The following ALG14 variants were observed in gnomAD, a reference collection of about 807,000 sequenced individuals.
ALG14 encodes the protein ALG14 UDP-N-acetylglucosaminyltransferase subunit.
In ALG14, 17 loss-of-function variants were observed where a neutral mutation model predicts 22.8. The observed-to-expected ratio is 0.75, with a 90% CI of 0.51 to 1.12. The LOEUF is 1.12. Among genes scored for constraint, ALG14 ranks in the 50% most tolerant of loss-of-function variants. The pLI is 0.00. For missense variants in ALG14, 288 were observed against 271.8 expected (o/e 1.06, Z -0.42); for synonymous variants, 89 against 103.7 (o/e 0.86, Z 0.86).
intron 2 of ALG14, among the ~76,000 whole-genome samples, chr1:95,057,779 GAATT>G (rs1459612131): frequency 2.0e-5 from 3 of 151,640 alleles, no homozygotes; most frequent in Admixed American, 1.3e-4. Context: ...ATTCAAGAAA[GAATT>G]AATAAGAAAA....
chr1:95,065,360 T>C (rs1431735436), intron 1 of ALG14, among the ~76,000 whole-genome samples: 2 of 151,896 alleles, frequency 1.3e-5, no homozygotes, highest in Non-Finnish European at 1.5e-5. Context: ...TGCAAGACAG[T>C]AAGAAAAACT....
chr1:94,998,458 T>C (rs998324023), intron 3 of ALG14, among the ~76,000 whole-genome samples: 1 of 152,248 alleles, frequency 6.6e-6, no homozygotes, highest in Non-Finnish European at 1.5e-5. Context: ...AGAGGGACAC[T>C]AACTTTAAAT....
At chr1:95,004,798 C>G (rs1260646445) in intron 3 of ALG14, among the ~76,000 whole-genome samples, 2 of 145,748 alleles carry the variant, frequency 1.4e-5, no homozygotes, top group Non-Finnish European at 3.0e-5. Flanking sequence ...CCTGCCCCCG[C>G]CCCCGCCTTT....
chr1:95,029,000 C>T (rs970502771), intron 2 of ALG14, among the ~76,000 whole-genome samples: 1 of 152,144 alleles, frequency 6.6e-6, no homozygotes, highest in Non-Finnish European at 1.5e-5. Flanking sequence ...ATATTGGTTA[C>T]CTATTTCTGT....
chr1:95,067,455 A>G (rs1351792396), intron 1 of ALG14: 1 of 152,202 alleles, frequency 6.6e-6, no homozygotes, highest in African/African-American at 2.4e-5. Context: ...GAATACACTT[A>G]TTATCTTTGG....
chr1:95,027,041 T>C (rs191259295), intron 3 of ALG14, 88 bp downstream of exon 3: 181 of 1,485,430 alleles, frequency 1.2e-4, no homozygotes, highest in Admixed American at 8.2e-4. Flanking sequence ...TAATAAATGG[T>C]AGCTGTTTAA....
rs1316639270 is a variant in ALG14 at position 94,976,049 on chromosome 1, A to G, written c.*7027T>C. On this transcript the variant is annotated 3_prime_UTR_variant, in exon 4 of 4. Coordinates refer to ENST00000370205, the MANE Select transcript of ALG14 (RefSeq NM_144988.4). The stretch of plus-strand genomic sequence containing the variant: ...AAAAAAAAAAAAAAAAAGAAAGAAG[A>G]GCCTCCTTAACACACCAGGGGAGCT... The G allele has an allele frequency of 2.0e-5, 3 of 148,776 alleles. No homozygotes were observed. The highest frequency in any genetic ancestry group is 7.4e-5 in the African/African-American group (3 of 40,422). The allele number at this position is 148,776 out of a possible 1,614,324, so 9.2% of individuals were successfully genotyped here.
At chr1:94,996,751 G>A (rs1284425737) in intron 3 of ALG14, among the ~76,000 whole-genome samples, 7 of 151,906 alleles carry the variant, frequency 4.6e-5, no homozygotes, top group Admixed American at 3.3e-4. Flanking sequence ...GCACAATCTC[G>A]GCTCACTGCA....
intron 2 of ALG14, among the ~76,000 whole-genome samples, chr1:95,049,789 T>G (rs910933106): frequency 6.6e-6 from 1 of 151,978 alleles, no homozygotes. Context: ...GAGGATCACT[T>G]GAACCCAGGA....
At chr1:95,039,445 A>T (rs1341692751) in intron 2 of ALG14, among the ~76,000 whole-genome samples, 3 of 152,090 alleles carry the variant, frequency 2.0e-5, no homozygotes. Context: ...TGGAGATGAC[A>T]AGCAGTGAGA....
intron 2 of ALG14, among the ~76,000 whole-genome samples, chr1:95,039,312 G>T (rs1454471639): frequency 6.6e-6 from 1 of 152,158 alleles, no homozygotes; most frequent in East Asian, 1.9e-4. Context: ...TAATTATGAA[G>T]AGAATGGACA....
At position 94,980,437 on chromosome 1, in the gene ALG14, C is replaced by T. The variant is rs780863387; in HGVS notation, c.*2639G>A. 1 of 152,186 alleles carries T rather than the reference C, an allele frequency of 6.6e-6. No homozygotes were observed. Among genetic ancestry groups the T allele is most frequent in the South Asian group, 2.1e-4 (1 of 4,830 alleles). 9.4% of individuals were successfully genotyped at this position (152,186 alleles called of 1,614,324 possible). ...TGGGCAGGATGTGTGGTTTCCCTGCCTCTCATTTGAAGACTGATTCAATTA... is the reference window on the plus strand; with the variant it reads ...TGGGCAGGATGTGTGGTTTCCCTGCTTCTCATTTGAAGACTGATTCAATTA... On this transcript the variant is annotated 3_prime_UTR_variant, in exon 4 of 4. Coordinates refer to ENST00000370205, the MANE Select transcript of ALG14 (RefSeq NM_144988.4).
intron 3 of ALG14, among the ~76,000 whole-genome samples, chr1:95,026,438 C>G (rs897025332): frequency 4.6e-5 from 7 of 151,242 alleles, no homozygotes; most frequent in Admixed American, 2.0e-4. Flanking sequence ...ATTGTTGTGT[C>G]TCATAGACAG....
intron 2 of ALG14, among the ~76,000 whole-genome samples, chr1:95,048,902 G>C (rs544954742): frequency 6.6e-6 from 1 of 152,120 alleles, no homozygotes; most frequent in Non-Finnish European, 1.5e-5. Context: ...AGAAAGACAG[G>C]CTGAAGAGTA....
chr1:95,000,510 T>G (rs1276541831), intron 3 of ALG14, among the ~76,000 whole-genome samples: 2 of 132,182 alleles, frequency 1.5e-5, no homozygotes, highest in Non-Finnish European at 3.1e-5. Context: ...TACTCCAGCC[T>G]GCGTAACAGA....
intron 3 of ALG14, among the ~76,000 whole-genome samples, chr1:95,004,075 G>A (rs1477885797): frequency 1.3e-5 from 2 of 151,950 alleles, no homozygotes; most frequent in African/African-American, 4.8e-5. Flanking sequence ...ATATCTTTAT[G>A]AGGTGGCCAC....
intron 1 of ALG14, among the ~76,000 whole-genome samples, chr1:95,070,886 C>T (rs1050921506): frequency 5.3e-5 from 8 of 152,050 alleles, no homozygotes; most frequent in African/African-American, 1.9e-4. Context: ...TAGGTGCATG[C>T]CACCACATCC....
At position 95,027,204 on chromosome 1, in the gene ALG14, CCAG is replaced by C. The variant is rs1210554241; in HGVS notation, c.342_344del (p.Trp115del). 3.1e-6 allele frequency: 5 copies of C among 1,614,016 alleles called. No homozygotes were observed. Among genetic ancestry groups the C allele is most frequent in the Non-Finnish European group, 4.2e-6 (5 of 1,179,958 alleles). On this transcript the variant is annotated inframe_deletion, in exon 3 of 4. Coordinates refer to ENST00000370205, the MANE Select transcript of ALG14 (RefSeq NM_144988.4). ...GCAAGGTGGTGAAAACGGTGGAGGG[CCAG>C]GACTGCTGAACCTCCCGGCTTCTTG...
At chr1:95,006,239 A>G (rs954852703) in intron 3 of ALG14, among the ~76,000 whole-genome samples, 10 of 152,198 alleles carry the variant, frequency 6.6e-5, no homozygotes, top group African/African-American at 2.4e-4. Flanking sequence ...GGGTATGTAC[A>G]TATTGCAAAA....
Sources: allele counts gnomAD v4.1 joint callset (sites outside exome capture counted in the v4.1 genomes callset), GRCh38; gene constraint gnomAD v4.1.1; transcripts MANE v1.5; gene names NCBI Gene and HGNC (gene_info 2026-07-23, HGNC 2026-07-21).